The following TEAD1 variants were observed in gnomAD, a reference collection of about 807,000 sequenced individuals.
TEAD1 encodes the protein TEA domain transcription factor 1, also known as transcriptional enhancer factor TEF-1.
Under a neutral mutation model 54.9 loss-of-function variants are expected in TEAD1, and 9 were observed. The ratio of observed to expected loss-of-function variants is 0.16; its 90% confidence interval spans 0.10 to 0.29. The LOEUF is 0.29. Ranked by LOEUF, TEAD1 falls within the 10% of genes least tolerant of loss-of-function variation. The pLI, the probability that TEAD1 is intolerant of heterozygous loss-of-function variation, is 1.00. For missense variants in TEAD1, 387 were observed against 535.9 expected, an observed-to-expected ratio of 0.72 and a Z score of 2.74; for synonymous variants, 200 against 187.8, an observed-to-expected ratio of 1.07 and a Z score of -0.53.
At chr11:12,867,591 A>G (rs1010903968) in intron 5 of TEAD1, among the ~76,000 whole-genome samples, 3 of 152,114 alleles carry the variant, frequency 2.0e-5, no homozygotes, top group Non-Finnish European at 2.9e-5. Flanking sequence ...CTAACCAGCC[A>G]TTACCAGGAT....
chr11:12,782,619 G>C (rs781055036), intron 3 of TEAD1, among the ~76,000 whole-genome samples: 3 of 152,230 alleles, frequency 2.0e-5, no homozygotes, highest in Admixed American at 2.0e-4. Flanking sequence ...TGGGTGAGCT[G>C]TATGAAATAT....
In TEAD1 at chr11:12,922,368, T is replaced by C. The variant is rs1365423692; in HGVS notation, c.874-2544T>C. 3 of 58,410 alleles carry C rather than the reference T, an allele frequency of 5.1e-5. 1 individual carries two copies. Among genetic ancestry groups the C allele is most frequent in the African/African-American group, 2.0e-4 (3 of 15,162 alleles). The allele number at this position is 58,410 out of a possible 1,614,324, so 3.6% of individuals were successfully genotyped here. On this transcript the variant is annotated intron_variant, in intron 10 of 12. Coordinates refer to ENST00000527636, the MANE Select transcript of TEAD1 (RefSeq NM_021961.6). ...CCCGCCACTACGCCCGGCTAATTTT[T>C]TGTATTTTTAGTAGAGACGGGGTTT...
chr11:12,806,631 A>G (rs1161662110), intron 3 of TEAD1, among the ~76,000 whole-genome samples: 1 of 152,250 alleles, frequency 6.6e-6, no homozygotes, highest in East Asian at 1.9e-4. Context: ...CAGAATATGG[A>G]TAAAAGCATG....
chr11:12,716,423 AATC>A, intron 2 of TEAD1, among the ~76,000 whole-genome samples: 1 of 152,306 alleles, frequency 6.6e-6, no homozygotes, highest in South Asian at 2.1e-4. Context: ...ATTGCTGCTG[AATC>A]CCTGGACCTG....
chr11:12,875,493 T>C (rs1191226674), intron 5 of TEAD1, among the ~76,000 whole-genome samples: 4 of 152,204 alleles, frequency 2.6e-5, no homozygotes, highest in Admixed American at 6.5e-5. Flanking sequence ...TTTCAAGATA[T>C]CCCTGGTGGT....
chr11:12,860,987 G>A (rs1488223331), intron 3 of TEAD1, among the ~76,000 whole-genome samples: 1 of 152,234 alleles, frequency 6.6e-6, no homozygotes, highest in African/African-American at 2.4e-5. Flanking sequence ...TGCCACAGCA[G>A]CAAGCTTCAG....
rs114559676 is a variant in TEAD1, at chr11:12,806,910, T to A, written c.202+42476T>A. Among the ~76,000 whole-genome samples, 1,304 of 152,228 alleles carry A rather than the reference T, an allele frequency of 8.6e-3. 22 individuals carry two copies. The highest frequency in any genetic ancestry group is 0.03 in the African/African-American group (1,236 of 41,526). ...CAATCAAACGAATTGGTAGGTTGGC[T>A]CCCATAGGCAAAATCTTGAGGCTGT... On this transcript the variant is annotated intron_variant, in intron 3 of 12. Coordinates refer to ENST00000527636, the MANE Select transcript of TEAD1 (RefSeq NM_021961.6).
At chr11:12,689,962 C>T (rs532785695) in intron 2 of TEAD1, among the ~76,000 whole-genome samples, 1 of 151,962 alleles carries the variant, frequency 6.6e-6, no homozygotes, top group African/African-American at 2.4e-5. Context: ...TAATGTTGGC[C>T]GGGCACGGTG....
At chr11:12,708,583 A>G (rs1049321726) in intron 2 of TEAD1, among the ~76,000 whole-genome samples, 8 of 152,098 alleles carry the variant, frequency 5.3e-5, no homozygotes, top group African/African-American at 1.4e-4. Flanking sequence ...TCAAATGTGC[A>G]TACTCTGTGA....
chr11:12,727,926 T>C (rs1944346125), intron 2 of TEAD1, among the ~76,000 whole-genome samples: 1 of 152,142 alleles, frequency 6.6e-6, no homozygotes. Context: ...GTATTTCATA[T>C]TGTATTCCTG....
chr11:12,730,196 G>T (rs1260353997), intron 2 of TEAD1, among the ~76,000 whole-genome samples: 2 of 152,138 alleles, frequency 1.3e-5, no homozygotes, highest in African/African-American at 4.8e-5. Flanking sequence ...ATGCACGGAG[G>T]AGTAAATTGT....
At chr11:12,700,020 T>C (rs1418146679) in intron 2 of TEAD1, among the ~76,000 whole-genome samples, 2 of 152,242 alleles carry the variant, frequency 1.3e-5, no homozygotes, top group Non-Finnish European at 2.9e-5. Context: ...ACACATTATT[T>C]GGGAAATAAT....
At chr11:12,800,678 GAAA>G (rs1946038540) in intron 3 of TEAD1, among the ~76,000 whole-genome samples, 2 of 152,204 alleles carry the variant, frequency 1.3e-5, no homozygotes, top group African/African-American at 4.8e-5. Context: ...ACAAAAAAAT[GAAA>G]AAGAGCCTCA....
intron 9 of TEAD1, among the ~76,000 whole-genome samples, chr11:12,893,684 G>T (rs962444753): frequency 1.3e-5 from 2 of 152,050 alleles, no homozygotes; most frequent in Non-Finnish European, 2.9e-5. Context: ...AGATGGTGCT[G>T]GGAGTGGGAG....
At chr11:12,904,136 G>C (rs1307788380) in intron 10 of TEAD1, among the ~76,000 whole-genome samples, 5 of 152,124 alleles carry the variant, frequency 3.3e-5, no homozygotes, top group Non-Finnish European at 7.3e-5. Context: ...TGGTACAAGA[G>C]CAGTGGGATA....
At chr11:12,746,008 C>G (rs1015434303) in intron 2 of TEAD1, among the ~76,000 whole-genome samples, 3 of 152,186 alleles carry the variant, frequency 2.0e-5, no homozygotes, top group Non-Finnish European at 4.4e-5. Context: ...CCCACCCACT[C>G]ATAAAACAGT....
intron 3 of TEAD1, among the ~76,000 whole-genome samples, chr11:12,844,750 G>T (rs191039958): frequency 6.6e-6 from 1 of 152,016 alleles, no homozygotes; most frequent in Non-Finnish European, 1.5e-5. Flanking sequence ...AAAGCCAGCC[G>T]GCTGGCCCTT....
chr11:12,686,308 A>G (rs1014176723), intron 2 of TEAD1, among the ~76,000 whole-genome samples: 1 of 152,254 alleles, frequency 6.6e-6, no homozygotes, highest in East Asian at 1.9e-4. Flanking sequence ...TCATGACAGT[A>G]TTACTTTTGA....
intron 3 of TEAD1, among the ~76,000 whole-genome samples, chr11:12,818,365 A>G (rs1358102597): frequency 6.6e-6 from 1 of 152,206 alleles, no homozygotes; most frequent in Admixed American, 6.5e-5. Context: ...GAGTTTATAA[A>G]TATGTTTTGA....
Sources: allele counts gnomAD v4.1 joint callset (sites outside exome capture counted in the v4.1 genomes callset), GRCh38; gene constraint gnomAD v4.1.1; transcripts MANE v1.5; gene names NCBI Gene and HGNC (gene_info 2026-07-23, HGNC 2026-07-21).